PARD3: variants seen among roughly 807,000 people sequenced by gnomAD.
PARD3 encodes the protein par-3 family cell polarity regulator, also known as partitioning defective 3 homolog.
In PARD3, 75 loss-of-function variants were observed where a neutral mutation model predicts 155.4. The observed-to-expected ratio is 0.48, with a 90% CI of 0.40 to 0.58. PARD3 has a LOEUF of 0.58. Among genes scored for constraint, PARD3 ranks in the 20% least tolerant of loss-of-function variants. The pLI is 0.00. For synonymous variants in PARD3, 576 were observed against 610.5 expected, an observed-to-expected ratio of 0.94 and a Z score of 0.83; for missense variants, 1,642 against 1,721.7, an observed-to-expected ratio of 0.95 and a Z score of 0.82.
intron 3 of PARD3, among the ~76,000 whole-genome samples, chr10:34,476,117 T>C (rs1018377545): frequency 5.3e-5 from 8 of 152,070 alleles, no homozygotes; most frequent in Non-Finnish European, 1.0e-4. Context: ...AGTGAGACCT[T>C]ACCTCAACAA....
intron 9 of PARD3, among the ~76,000 whole-genome samples, chr10:34,381,927 A>G (rs1333722810): frequency 1.6e-5 from 1 of 63,916 alleles, no homozygotes; most frequent in Non-Finnish European, 3.1e-5. Flanking sequence ...AAAAAAAAAA[A>G]AAAAAAAAAA....
chr10:34,736,083 G>T (rs2094908512), intron 1 of PARD3, among the ~76,000 whole-genome samples: 2 of 152,074 alleles, frequency 1.3e-5, no homozygotes, highest in Non-Finnish European at 2.9e-5. Context: ...CCAGGCTGGA[G>T]TGCAGTGGCG....
chr10:34,714,899 C>T (rs910949908), intron 1 of PARD3, among the ~76,000 whole-genome samples: 8 of 151,514 alleles, frequency 5.3e-5, no homozygotes, highest in Non-Finnish European at 1.0e-4. Context: ...CTCAGCCTCC[C>T]GAATAGCTGG....
At chr10:34,568,846 T>A (rs1431163851) in intron 2 of PARD3, among the ~76,000 whole-genome samples, 1 of 152,220 alleles carries the variant, frequency 6.6e-6, no homozygotes, top group African/African-American at 2.4e-5. Context: ...ACTCTTCACT[T>A]TTCTAATAAT....
intron 22 of PARD3, among the ~76,000 whole-genome samples, chr10:34,209,614 A>C (rs2133388533): frequency 6.6e-6 from 1 of 152,334 alleles, no homozygotes; most frequent in South Asian, 2.1e-4. Flanking sequence ...TCAGAGAGAC[A>C]TAGGTTCAAA....
chr10:34,145,221 A>ATATATATATTTTTTT (rs1491430560), intron 22 of PARD3, among the ~76,000 whole-genome samples: 1 of 33,972 alleles, frequency 2.9e-5, no homozygotes, highest in Admixed American at 4.0e-4. Context: ...ATATATATAT[A>ATATATATATTTTTTT]TTTTTTTTTT....
chr10:34,140,891 T>C (rs1004649461), intron 22 of PARD3, among the ~76,000 whole-genome samples: 3 of 152,240 alleles, frequency 2.0e-5, no homozygotes, highest in Admixed American at 6.5e-5. Flanking sequence ...TTTGTGATGC[T>C]TCAGGGTATT....
At chr10:34,344,854 A>G (rs1376713257) in intron 15 of PARD3, 1 of 985,248 alleles carries the variant, frequency 1.0e-6, no homozygotes, top group Non-Finnish European at 1.2e-6. Context: ...CATGCATCCA[A>G]ATTTTGGTTC....
At chr10:34,297,310 AT>A (rs1956953893) in intron 20 of PARD3, among the ~76,000 whole-genome samples, 1 of 152,240 alleles carries the variant, frequency 6.6e-6, no homozygotes, top group Non-Finnish European at 1.5e-5. Flanking sequence ...CTCTAAAAAA[AT>A]AAGTAAGTAA....
chr10:34,778,621 GA>G (rs1839881565), intron 1 of PARD3, among the ~76,000 whole-genome samples: 1 of 100,458 alleles, frequency 1.0e-5, no homozygotes, highest in Non-Finnish European at 2.2e-5. Flanking sequence ...CATGGTGGAG[GA>G]AAATTTCTAC....
At chr10:34,462,585 C>T (rs994688574) in intron 4 of PARD3, among the ~76,000 whole-genome samples, 6 of 152,000 alleles carry the variant, frequency 3.9e-5, no homozygotes, top group African/African-American at 1.5e-4. Flanking sequence ...TGGCTCAGGC[C>T]TGTAATCCAA....
chr10:34,337,394 G>T lies in PARD3; in HGVS notation c.2441C>A (p.Ala814Asp). The T allele has an allele frequency of 6.2e-7, 1 of 1,600,594 alleles. No homozygotes were observed. The highest frequency in any genetic ancestry group is 1.7e-5 in the Admixed American group (1 of 57,624). ...SLSPDVDPVL[A>D]FQREGFGRQS... Reference sequence around the variant, plus strand: ...ACGTCCAAATCCTTCTCGTTGAAAAGCAAGAACTGGATCAACATCTGGACT... The same window carrying T: ...ACGTCCAAATCCTTCTCGTTGAAAATCAAGAACTGGATCAACATCTGGACT... Residue 814 changes from alanine (A) to aspartate (D), a missense_variant, in exon 17 of 25, where the codon GCT becomes GAT. Physicochemically the swap from Ala to Asp is moderately radical, Grantham distance 126. Around this residue, in one of 3 missense-constraint regions of PARD3, gnomAD observed 1,529 missense variants for 1,587.3 expected, o/e 0.96. Coordinates refer to ENST00000374788, the MANE Select transcript of PARD3 (RefSeq NM_001184785.2).
chr10:34,809,357 G>A (rs1843794753), intron 1 of PARD3, among the ~76,000 whole-genome samples: 2 of 152,124 alleles, frequency 1.3e-5, no homozygotes, highest in African/African-American at 4.8e-5. Context: ...GAGGGAGGAA[G>A]GGCGCACGGA....
intron 22 of PARD3, among the ~76,000 whole-genome samples, chr10:34,194,105 C>A (rs1050168538): frequency 3.3e-5 from 5 of 152,206 alleles, no homozygotes; most frequent in African/African-American, 9.7e-5. Flanking sequence ...AACCACTGCA[C>A]TTCCAGAAGG....
intron 20 of PARD3, among the ~76,000 whole-genome samples, chr10:34,291,704 C>T (rs1051080564): frequency 3.9e-5 from 6 of 152,218 alleles, no homozygotes; most frequent in African/African-American, 1.4e-4. Context: ...AAGACAGTGA[C>T]TCTGTGCTCT....
chr10:34,317,270 AAGG>A lies in PARD3; in HGVS notation c.2899_2901del (p.Pro967del). ...TTCATTTGTCTCTCCAGAGAGTGGGAAGGCTGATCACTGGCTGTGGATACAGAC... is the reference window on the plus strand; with the variant it reads ...TTCATTTGTCTCTCCAGAGAGTGGGACTGATCACTGGCTGTGGATACAGAC... On this transcript the variant is annotated inframe_deletion, in exon 20 of 25. Coordinates refer to ENST00000374788, the MANE Select transcript of PARD3 (RefSeq NM_001184785.2). 1 of 1,613,670 alleles carries A rather than the reference AAGG, an allele frequency of 6.2e-7. No homozygotes were observed. Among genetic ancestry groups the A allele is most frequent in the South Asian group, 1.1e-5 (1 of 91,056 alleles).
chr10:34,286,883 G>T (rs1956420948), intron 20 of PARD3, among the ~76,000 whole-genome samples: 1 of 152,288 alleles, frequency 6.6e-6, no homozygotes, highest in Middle Eastern at 3.4e-3. Context: ...GAAGTGCTTA[G>T]TTTCTGGACA....
chr10:34,741,174 A>ATTTTTTTTTTTTTTTTTTTTTTTTTTTTT (rs71033345), intron 1 of PARD3, among the ~76,000 whole-genome samples: 3 of 114,282 alleles, frequency 2.6e-5, no homozygotes, highest in Non-Finnish European at 3.4e-5. Context: ...CGTAAACCAA[A>ATTTTTTTTTTTTTTTTTTTTTTTTTTTTT]TTTTTTTTTT....
chr10:34,721,848 T>C (rs191862387), intron 1 of PARD3, among the ~76,000 whole-genome samples: 3 of 152,306 alleles, frequency 2.0e-5, no homozygotes, highest in Admixed American at 1.3e-4. Context: ...AATTATAACA[T>C]ACAAACTCTA....
Sources: gnomAD v4.1 joint callset for allele counts (sites outside exome capture counted in the v4.1 genomes callset) on GRCh38, gnomAD v4.1.1 for gene constraint, gnomAD v4.1.1 regional missense constraint, MANE v1.5 for transcripts, NCBI Gene and HGNC (gene_info 2026-07-23, HGNC 2026-07-21) for gene names.